Variants in EP300 observed in about 807,000 individuals in gnomAD.
The protein encoded by EP300 is EP300 lysine acetyltransferase.
In EP300, 31 loss-of-function variants were observed where a neutral mutation model predicts 264.0. The ratio of observed to expected loss-of-function variants is 0.12; its 90% CI spans 0.09 to 0.16. EP300 has a LOEUF of 0.16. EP300 is among the 10% of genes least tolerant of loss of function. The pLI is 1.00. For synonymous variants in EP300, 1,340 were observed against 1,045.4 expected (o/e 1.28, Z -5.44); for missense variants, 2,766 against 3,052.9 (o/e 0.91, Z 2.21).
chr22:41,163,210 C>T (rs1177547622), intron 21 of EP300, among the ~76,000 whole-genome samples: 3 of 139,032 alleles, frequency 2.2e-5, no homozygotes, highest in Non-Finnish European at 3.1e-5. Flanking sequence ...CCGAGGCGGG[C>T]AGATCACGAG....
chr22:41,103,669 T>A (rs967486728), intron 1 of EP300, among the ~76,000 whole-genome samples: 1 of 152,166 alleles, frequency 6.6e-6, no homozygotes, highest in African/African-American at 2.4e-5. Flanking sequence ...CGCTGTGTGA[T>A]AGGGTTTTTC....
At chr22:41,136,094 C>T (rs2058949110) in intron 7 of EP300, among the ~76,000 whole-genome samples, 188 bp downstream of exon 7, 1 of 152,186 alleles carries the variant, frequency 6.6e-6, no homozygotes, top group South Asian at 2.1e-4. Context: ...GATCTCAGCT[C>T]ACTGCAACCT....
intron 27 of EP300, among the ~76,000 whole-genome samples, chr22:41,171,697 A>T (rs189424984): frequency 1.5e-3 from 230 of 150,378 alleles, no homozygotes; most frequent in Non-Finnish European, 2.9e-3. Context: ...GCAATGGTGC[A>T]GTCTCCTGGG....
At chr22:41,108,117 A>T (rs1182273188) in intron 1 of EP300, 1 of 152,012 alleles carries the variant, frequency 6.6e-6, no homozygotes, top group Admixed American at 6.6e-5. Flanking sequence ...TAATGAAAGG[A>T]TGTTTTGACT....
In EP300 at chr22:41,168,957, T is replaced by G. The variant is rs562189949; in HGVS notation, c.4172+90T>G. ...AAAGCATAACAGGCAAGAAAATGTTTAGTGTGTTTGGTTTGGAAATGCAAA... is the reference window on the plus strand; with the variant it reads ...AAAGCATAACAGGCAAGAAAATGTTGAGTGTGTTTGGTTTGGAAATGCAAA... On this transcript the variant is annotated intron_variant, in intron 25 of 30. Transcript: ENST00000263253. 7.7e-4 allele frequency: 1,221 copies of G among 1,579,066 alleles called. 17 individuals carry two copies. The South Asian group carries it at 0.013, about 16-fold the overall frequency.
chr22:41,167,582 GTGTATATATATATATATATATATA>G lies in EP300; in HGVS notation c.3875-865_3875-842del, dbSNP rs1301640961. Among the ~76,000 whole-genome samples the G allele has an allele frequency of 2.1e-3, 45 of 21,684 alleles. 2 individuals carry two copies. Among genetic ancestry groups the G allele is most frequent in the East Asian group, 0.017 (6 of 344 alleles). The allele number at this position is 21,684 out of a possible 152,430, so 14.2% of individuals were successfully genotyped here. A position where few individuals can be genotyped will look rare whatever the true frequency, so the allele number is the denominator to read the frequency against. Reference sequence around the variant, plus strand: ...TATTTGTGTGTGTGTGTGTGTGTGTGTGTATATATATATATATATATATATATATATATATATATATATATATAT... The same window carrying G: ...TATTTGTGTGTGTGTGTGTGTGTGTGTATATATATATATATATATATATAT... On this transcript the variant is annotated intron_variant, in intron 23 of 30. Coordinates refer to ENST00000263253, the MANE Select transcript of EP300 (RefSeq NM_001429.4).
chr22:41,116,419 T>C (rs900695669), intron 1 of EP300, among the ~76,000 whole-genome samples: 4 of 152,186 alleles, frequency 2.6e-5, no homozygotes, highest in African/African-American at 4.8e-5. Context: ...TCTGTGTCCA[T>C]GTGTTCGTAT....
chr22:41,170,430 A>T lies in EP300; in HGVS notation c.4311A>T (p.Ala1437=), dbSNP rs150941761. 1 of 1,613,854 alleles carries T rather than the reference A, an allele frequency of 6.2e-7. No individual in the cohort carries two copies. Among genetic ancestry groups the T allele is most frequent in the Non-Finnish European group, 8.5e-7 (1 of 1,179,844 alleles). ...KLGYTTGHIW[A]CPPSEGDDYI... ...GTTACACAACAGGGCATATTTGGGC[A>T]TGTCCACCAAGTGAGGGAGATGATT... The change falls in exon 27 of 31, where the codon GCA becomes GCT. Residue 1437 remains alanine, a synonymous_variant. Coordinates refer to ENST00000263253, the MANE Select transcript of EP300 (RefSeq NM_001429.4).
At position 41,115,313 on chromosome 22, in the gene EP300, A is replaced by G. The variant is rs867550830; in HGVS notation, c.95-1874A>G. ...AAGTAGAAAGACCAGGAGTCTCCTA[A>G]TGATAATAGAGGGCACAAGACAATC... is the stretch of plus-strand genomic sequence containing the variant. On this transcript the variant is annotated intron_variant, in intron 1 of 30. Transcript: ENST00000263253. Among the ~76,000 whole-genome samples, 8 of 152,192 alleles carry G rather than the reference A, an allele frequency of 5.3e-5. 1 individual carries two copies. Among genetic ancestry groups the G allele is most frequent in the Middle Eastern group, 6.3e-3 (2 of 316 alleles).
chr22:41,160,220 T>C, intron 19 of EP300: 1 of 234,102 alleles, frequency 4.3e-6, no homozygotes, highest in East Asian at 1.1e-4. Context: ...CATTTGCTTT[T>C]ATTTGCAGTA....
At position 41,157,264 on chromosome 22, in the gene EP300, T is replaced by C. The variant is rs1305496497; in HGVS notation, c.3357T>C (p.Asp1119=). ...ATCAGGAGCCCTGGCAGTATGTCGA[T>C]GATATTTGGCTTATGTTCAATAATG... is the stretch of plus-strand genomic sequence containing the variant. ...GQYQEPWQYV[D]DIWLMFNNAW... The change falls in exon 18 of 31, where the codon GAT becomes GAC. Residue 1119 remains aspartate, a synonymous_variant. Coordinates refer to ENST00000263253, the MANE Select transcript of EP300 (RefSeq NM_001429.4). 1.2e-6 allele frequency: 2 copies of C among 1,614,026 alleles called. No homozygotes were observed. Among genetic ancestry groups the C allele is most frequent in the Admixed American group, 3.3e-5 (2 of 59,990 alleles).
chr22:41,117,510 A>G lies in EP300; in HGVS notation c.418A>G (p.Thr140Ala), dbSNP rs1298489189. ...GLTSPNMGMG[T>A]SGPNQGPTQS... is the part of the protein sequence containing the mutation. ...GACTTCTCCCAACATGGGGATGGGC[A>G]CTAGTGGACCAAATCAGGGTCCTAC... is the stretch of plus-strand genomic sequence containing the variant. The change falls in exon 2 of 31, where the codon ACT (threonine) becomes GCT (alanine). Residue 140 changes from threonine to alanine, a missense_variant. Coordinates refer to ENST00000263253, the MANE Select transcript of EP300 (RefSeq NM_001429.4). 6.2e-7 allele frequency: 1 copy of G among 1,613,788 alleles called. No individual in the cohort carries two copies. Among genetic ancestry groups the G allele is most frequent in the Non-Finnish European group, 8.5e-7 (1 of 1,179,734 alleles).
At position 41,177,683 on chromosome 22, in the gene EP300, A is replaced by G. The variant is rs778970417; in HGVS notation, c.5972A>G (p.Gln1991Arg). 2 of 1,613,940 alleles carry G rather than the reference A, an allele frequency of 1.2e-6. No individual in the cohort carries two copies. The highest frequency in any genetic ancestry group is 1.1e-5 in the South Asian group (1 of 91,086). Reference protein sequence around the residue: ...EPGMGPTGMQQQPPWSQGGLP... With the variant: ...EPGMGPTGMQRQPPWSQGGLP... Reference sequence around the variant, plus strand: ...GGGATGGGACCGACAGGGATGCAGCAACAGCCACCCTGGAGCCAAGGAGGA... The same window carrying G: ...GGGATGGGACCGACAGGGATGCAGCGACAGCCACCCTGGAGCCAAGGAGGA... Residue 1991 changes from glutamine to arginine, a missense_variant, in exon 31 of 31, where the codon CAA becomes CGA. Physicochemically the swap from Gln to Arg is conservative, Grantham distance 43. Coordinates refer to ENST00000263253, the MANE Select transcript of EP300 (RefSeq NM_001429.4).
At chr22:41,150,347 A>G in intron 14 of EP300, 149 bp downstream of exon 14, 1 of 1,038,734 alleles carries the variant, frequency 9.6e-7, no homozygotes, top group Non-Finnish European at 1.4e-6. Flanking sequence ...GGACTTTTGT[A>G]TCCTGTTTTG....
chr22:41,179,846 T>A lies in EP300; in HGVS notation c.*890T>A, dbSNP rs1210079561. 4.3e-6 allele frequency: 1 copy of A among 230,398 alleles called. No individual in the cohort carries two copies. Among genetic ancestry groups the A allele is most frequent in the African/African-American group, 2.2e-5 (1 of 44,880 alleles). 14.3% of individuals were successfully genotyped at this position (230,398 alleles called of 1,614,324 possible). ...AAAATGTCCCTGGGGGTTTCTTCTT[T>A]GCTTGCTTTCTTCCTCCTTACCCTA... On this transcript the variant is annotated 3_prime_UTR_variant, in exon 31 of 31. Transcript: ENST00000263253.
At position 41,178,871 on chromosome 22, in the gene EP300, G is replaced by T. The variant is rs1270420653; in HGVS notation, c.7160G>T (p.Gly2387Val). 3.1e-6 allele frequency: 5 copies of T among 1,614,048 alleles called. No homozygotes were observed. Among genetic ancestry groups the T allele is most frequent in the Non-Finnish European group, 4.2e-6 (5 of 1,180,056 alleles). ...AATCCAGGCATGGCAAACCTCCATG[G>T]TGCAAGCGCCACGGACCTGGGACTC... ...ASNPGMANLH[G>V]ASATDLGLST... The change falls in exon 31 of 31, where the codon GGT becomes GTT. Residue 2387 changes from glycine (G) to valine (V), a missense_variant. Transcript: ENST00000263253.
At chr22:41,170,652 A>AATT in intron 27 of EP300, 81 bp downstream of exon 27, 13 of 915,278 alleles carry the variant, frequency 1.4e-5, no homozygotes, top group African/African-American at 2.2e-5. Context: ...CTGTCATTTA[A>AATT]CTTTTTTTTT....
chr22:41,131,779 A>G (rs2058921300), intron 6 of EP300, 146 bp downstream of exon 6: 1 of 1,191,742 alleles, frequency 8.4e-7, no homozygotes, highest in Non-Finnish European at 1.2e-6. Flanking sequence ...AAGGTCCCTT[A>G]CAGTTCATCT....
At chr22:41,147,485 C>T (rs567261592) in intron 11 of EP300, among the ~76,000 whole-genome samples, 9 of 152,244 alleles carry the variant, frequency 5.9e-5, no homozygotes, top group African/African-American at 1.7e-4. Context: ...CGCCTGTAAT[C>T]CCAGCACTTT....
Sources: gnomAD v4.1 joint callset for allele counts (sites outside exome capture counted in the v4.1 genomes callset) on GRCh38, gnomAD v4.1.1 for gene constraint, MANE v1.5 for transcripts, NCBI Gene and HGNC (gene_info 2026-07-23, HGNC 2026-07-21) for gene names.